The following ENPP7 variants were observed in gnomAD, a reference collection of about 807,000 sequenced individuals.
The protein encoded by ENPP7 is ectonucleotide pyrophosphatase/phosphodiesterase family member 7.
Under a neutral mutation model 33.6 loss-of-function variants are expected in ENPP7, and 39 were observed. That is an observed-to-expected ratio of 1.16 (90% confidence interval 0.90 to 1.52). ENPP7 has a LOEUF of 1.52. Ranked by LOEUF, ENPP7 falls within the 40% of genes most tolerant of loss-of-function variation. ENPP7 has a pLI of 0.00. For missense variants in ENPP7, 594 were observed against 641.0 expected (o/e 0.93, Z 0.79); for synonymous variants, 244 against 274.3 (o/e 0.89, Z 1.09).
chr17:79,735,610 A>G lies in ENPP7; in HGVS notation c.967A>G (p.Asn323Asp). The part of the protein sequence containing the change: ...EAFPEAFHYA[N>D]NPRVTPLLMY... ...GTTCCCCGAGGCCTTCCACTACGCC[A>G]ACAACCCCAGGGTCACACCCCTGCT... Residue 323 changes from asparagine to aspartate, a missense_variant, in exon 3 of 6, where the codon AAC becomes GAC. This residue lies in a region of ENPP7 where 504 missense variants were observed against 512.8 expected (regional missense o/e 0.98). Coordinates refer to ENST00000328313, the MANE Select transcript of ENPP7 (RefSeq NM_178543.5). The surrounding 1 kb of genome is among the most constrained non-coding windows in gnomAD (Gnocchi z 5.5). 1 of 1,613,780 alleles carries G rather than the reference A, an allele frequency of 6.2e-7. No homozygotes were observed. Among genetic ancestry groups the G allele is most frequent in the Non-Finnish European group, 8.5e-7 (1 of 1,180,006 alleles).
rs782762321 is a variant in ENPP7 at position 79,735,410 on chromosome 17, C to A, written c.767C>A (p.Ala256Asp). Residue 256 changes from alanine to aspartate, a missense_variant, in exon 3 of 6, where the codon GCT becomes GAT. Physicochemically the swap from Ala to Asp is moderately radical, Grantham distance 126. This residue lies in a region of ENPP7 where 504 missense variants were observed against 512.8 expected (regional missense o/e 0.98). Coordinates refer to ENST00000328313, the MANE Select transcript of ENPP7 (RefSeq NM_178543.5). This position sits in a 1 kb window ranked among gnomAD's most constrained non-coding sequence, Gnocchi z 5.5. ...GGCATGACGACCGTGGACAAACGGGCTGGCGACCTGGTTGAATTCCACAAG... is the reference window on the plus strand; with the variant it reads ...GGCATGACGACCGTGGACAAACGGGATGGCGACCTGGTTGAATTCCACAAG... ...DHGMTTVDKRAGDLVEFHKFP... is the reference protein window; with the variant it reads ...DHGMTTVDKRDGDLVEFHKFP... The A allele has an allele frequency of 6.2e-7, 1 of 1,614,086 alleles. No homozygotes were observed. The highest frequency in any genetic ancestry group is 8.5e-7 in the Non-Finnish European group (1 of 1,180,032).
In ENPP7 at chr17:79,739,504, C is replaced by T. The variant is rs1314790160; in HGVS notation, c.*16+1442C>T. 1.3e-5 allele frequency: 2 copies of T among 152,258 alleles called. No individual in the cohort carries two copies. Among genetic ancestry groups the T allele is most frequent in the African/African-American group, 4.8e-5 (2 of 41,444 alleles). 9.4% of individuals were successfully genotyped at this position (152,258 alleles called of 1,614,324 possible). On this transcript the variant is annotated intron_variant, in intron 5 of 5. Coordinates refer to ENST00000328313, the MANE Select transcript of ENPP7 (RefSeq NM_178543.5). This position sits in a 1 kb window ranked among gnomAD's most constrained non-coding sequence, Gnocchi z 4.4. The stretch of plus-strand genomic sequence containing the variant: ...TTCCAAATACCTTTAAGAGGCACGA[C>T]ATTCGAGGTTTGTGGACAGATTATG...
At position 79,735,813 on chromosome 17, in the gene ENPP7, C is replaced by A; in HGVS notation, c.1026+144C>A. ...GATCTCAGCTCACTGCAGCCTTAAACTCCCAGACTCAAGCGATCCTTCCAC... is the reference window on the plus strand; with the variant it reads ...GATCTCAGCTCACTGCAGCCTTAAAATCCCAGACTCAAGCGATCCTTCCAC... On this transcript the variant is annotated intron_variant, in intron 3 of 5. Coordinates refer to ENST00000328313, the MANE Select transcript of ENPP7 (RefSeq NM_178543.5). This position sits in a 1 kb window ranked among gnomAD's most constrained non-coding sequence, Gnocchi z 5.5. 1.3e-6 allele frequency: 1 copy of A among 760,340 alleles called. No homozygotes were observed. The highest frequency in any genetic ancestry group is 1.9e-5 in the South Asian group (1 of 53,082). The allele number at this position is 760,340 out of a possible 1,614,324, so 47.1% of individuals were successfully genotyped here.
Position 79,742,082 on chromosome 17 carries a change from C to A in ENPP7, c.*305C>A. On this transcript the variant is annotated 3_prime_UTR_variant, in exon 6 of 6. Transcript: ENST00000328313. ...CCTGCAAAACCCGCTCCCGAAGCGG[C>A]GCTGCCGTCTGCAGCCACGCGGGGG... 1 of 397,200 alleles carries A rather than the reference C, an allele frequency of 2.5e-6. No homozygotes were observed. The allele number at this position is 397,200 out of a possible 1,614,324, so 24.6% of individuals were successfully genotyped here. A position where few individuals can be genotyped will look rare whatever the true frequency, so the allele number is the denominator to read the frequency against.
chr17:79,732,147 T>TAC (rs1443387930), intron 1 of ENPP7, among the ~76,000 whole-genome samples: 2 of 66,014 alleles, frequency 3.0e-5, no homozygotes, highest in African/African-American at 8.9e-5. Context: ...TATATATATA[T>TAC]ATACACACAC....
In ENPP7 at chr17:79,732,121, C is replaced by CACACACAT. The variant is rs1485764726; in HGVS notation, c.253+730_253+731insCACACATA. ...TAATATATATATACATATATATATA[C>CACACACAT]ATATATATATGTATATATATATATA... is the stretch of plus-strand genomic sequence containing the variant. On this transcript the variant is annotated intron_variant, in intron 1 of 5. Coordinates refer to ENST00000328313, the MANE Select transcript of ENPP7 (RefSeq NM_178543.5). Among the ~76,000 whole-genome samples the CACACACAT allele has an allele frequency of 1.1e-3, 52 of 48,782 alleles. 1 individual carries two copies. Among genetic ancestry groups the CACACACAT allele is most frequent in the Non-Finnish European group, 1.4e-3 (37 of 25,520 alleles). 32.0% of individuals were successfully genotyped at this position (48,782 alleles called of 152,430 possible).
At position 79,739,830 on chromosome 17, in the gene ENPP7, T is replaced by C. The variant is rs1275641743; in HGVS notation, c.*16+1768T>C. On this transcript the variant is annotated intron_variant, in intron 5 of 5. Coordinates refer to ENST00000328313, the MANE Select transcript of ENPP7 (RefSeq NM_178543.5). The surrounding 1 kb of genome is among the most constrained non-coding windows in gnomAD (Gnocchi z 4.4). ...GAAGGAGTGGACTGAGAAGAGATGG[T>C]GACCACACCACTCACTGAGAAGGCG... 6.6e-6 allele frequency among the ~76,000 whole-genome samples: 1 copy of C among 152,144 alleles called. No homozygotes were observed. The highest frequency in any genetic ancestry group is 1.9e-4 in the East Asian group (1 of 5,182).
chr17:79,730,992 C>T lies in ENPP7; in HGVS notation c.-148C>T. The T allele has an allele frequency of 2.4e-6, 2 of 819,064 alleles. No homozygotes were observed. Among genetic ancestry groups the T allele is most frequent in the Non-Finnish European group, 3.7e-6 (2 of 538,552 alleles). 50.7% of individuals were successfully genotyped at this position (819,064 alleles called of 1,614,324 possible). ...GTGGCACTGACACGGCTGGGGAGCC[C>T]ACTCCCGAGGTTCGACCCGGGGATG... On this transcript the variant is annotated 5_prime_UTR_variant, in exon 1 of 6. Transcript: ENST00000328313.
At position 79,731,200 on chromosome 17, in the gene ENPP7, G is replaced by A. The variant is rs782198567; in HGVS notation, c.61G>A (p.Gly21Arg). The A allele has an allele frequency of 4.9e-5, 79 of 1,611,704 alleles. No individual in the cohort carries two copies. The highest frequency in any genetic ancestry group is 3.9e-4 in the Middle Eastern group (2 of 5,088). ...GGCCACGCTCCTGGCTCCCGGGGCC[G>A]GAGCACCGGTACAAAGTCAGGGCTC... ...ALATLLAPGA[G>R]APVQSQGSQN... is the part of the protein sequence containing the mutation. The change falls in exon 1 of 6, where the codon GGA becomes AGA. Residue 21 changes from glycine to arginine, a missense_variant. Physicochemically the swap from Gly to Arg is moderately radical, Grantham distance 125. Coordinates refer to ENST00000328313, the MANE Select transcript of ENPP7 (RefSeq NM_178543.5).
intron 5 of ENPP7, 33 bp from the exon 6 acceptor site, chr17:79,741,761 T>A: frequency 1.0e-6 from 1 of 983,860 alleles, no homozygotes; most frequent in Non-Finnish European, 1.2e-6. Flanking sequence ...CATCCTCTCC[T>A]CCCAGACCAA....
At chr17:79,732,151 C>CATATATATGTATATATATATATAT (rs2094287721) in intron 1 of ENPP7, among the ~76,000 whole-genome samples, 4 of 25,894 alleles carry the variant, frequency 1.5e-4, no homozygotes, top group Admixed American at 9.7e-4. Flanking sequence ...TATATATATA[C>CATATATATGTATATATATATATAT]ACACACATAT....
Position 79,735,674 on chromosome 17 carries a change from G to A in ENPP7, c.1026+5G>A, listed in dbSNP as rs370786110. ...CTTGGCTACGTCATCCATGGGGTGA[G>A]TCGCCTGCTGGAGGCACCACCTCCA... On this transcript the variant is annotated splice_donor_5th_base_variant and intron_variant, in intron 3 of 5. Transcript: ENST00000328313. This position sits in a 1 kb window ranked among gnomAD's most constrained non-coding sequence, Gnocchi z 5.5. The A allele has an allele frequency of 1.9e-6, 3 of 1,598,704 alleles. No homozygotes were observed. Among genetic ancestry groups the A allele is most frequent in the South Asian group, 1.1e-5 (1 of 90,236 alleles).
At chr17:79,741,432 G>C (rs1555824538) in intron 5 of ENPP7, among the ~76,000 whole-genome samples, 2 of 152,200 alleles carry the variant, frequency 1.3e-5, no homozygotes, top group African/African-American at 4.8e-5. Flanking sequence ...AAGACTAGGG[G>C]AAGCTCTTCT....
In ENPP7 at chr17:79,735,895, TTG is replaced by T. The variant is rs2094294814; in HGVS notation, c.1026+234_1026+235del. Among the ~76,000 whole-genome samples, 1 of 151,940 alleles carries T rather than the reference TTG, an allele frequency of 6.6e-6. No individual in the cohort carries two copies. Among genetic ancestry groups the T allele is most frequent in the African/African-American group, 2.4e-5 (1 of 41,402 alleles). On this transcript the variant is annotated intron_variant, in intron 3 of 5. Coordinates refer to ENST00000328313, the MANE Select transcript of ENPP7 (RefSeq NM_178543.5). This position sits in a 1 kb window ranked among gnomAD's most constrained non-coding sequence, Gnocchi z 5.5. ...GCACACCACCATGCCTGGCTAATTTTTGTGTGTGTTTTGTTTTGTTTTGTTTC... is the reference window on the plus strand; with the variant it reads ...GCACACCACCATGCCTGGCTAATTTTTGTGTGTTTTGTTTTGTTTTGTTTC...
In ENPP7 at chr17:79,735,450, C is replaced by A; in HGVS notation, c.807C>A (p.Thr269=). 6.2e-7 allele frequency: 1 copy of A among 1,614,162 alleles called. No individual in the cohort carries two copies. Among genetic ancestry groups the A allele is most frequent in the Non-Finnish European group, 8.5e-7 (1 of 1,180,042 alleles). The change falls in exon 3 of 6, where the codon ACC becomes ACA. Residue 269 remains threonine, a synonymous_variant. Coordinates refer to ENST00000328313, the MANE Select transcript of ENPP7 (RefSeq NM_178543.5). This position sits in a 1 kb window ranked among gnomAD's most constrained non-coding sequence, Gnocchi z 5.5. ...AATTCCACAAGTTCCCCAACTTCAC[C>A]TTCCGGGACATCGAGTTTGAGCTCC... The part of the protein sequence containing the change: ...LVEFHKFPNF[T]FRDIEFELLD...
Position 79,741,974 on chromosome 17 carries a change from T to C in ENPP7, c.*197T>C. 1 of 985,424 alleles carries C rather than the reference T, an allele frequency of 1.0e-6. No homozygotes were observed. Among genetic ancestry groups the C allele is most frequent in the Non-Finnish European group, 1.2e-6 (1 of 829,910 alleles). 61.0% of individuals were successfully genotyped at this position (985,424 alleles called of 1,614,324 possible). The stretch of plus-strand genomic sequence containing the variant: ...CTGGTAATAAGCCTCGCAGCCCAGG[T>C]CCAGAGCCCCCGGCGAGCCGGTCCC... On this transcript the variant is annotated 3_prime_UTR_variant, in exon 6 of 6. Coordinates refer to ENST00000328313, the MANE Select transcript of ENPP7 (RefSeq NM_178543.5).
intron 1 of ENPP7, among the ~76,000 whole-genome samples, chr17:79,732,151 C>CAT (rs2094287721): frequency 1.5e-4 from 4 of 25,894 alleles, no homozygotes; most frequent in Admixed American, 1.5e-3. Context: ...TATATATATA[C>CAT]ACACACATAT....
At position 79,737,329 on chromosome 17, in the gene ENPP7, A is replaced by C; in HGVS notation, c.1246+69A>C. 7.4e-7 allele frequency: 1 copy of C among 1,356,076 alleles called. No individual in the cohort carries two copies. Among genetic ancestry groups the C allele is most frequent in the South Asian group, 1.3e-5 (1 of 79,580 alleles). The allele number at this position is 1,356,076 out of a possible 1,614,324, so 84.0% of individuals were successfully genotyped here. A position where few individuals can be genotyped will look rare whatever the true frequency, so the allele number is the denominator to read the frequency against. On this transcript the variant is annotated intron_variant, in intron 4 of 5. Transcript: ENST00000328313. This position sits in a 1 kb window ranked among gnomAD's most constrained non-coding sequence, Gnocchi z 5.5. ...CACGTGTGCACACGAGGGTGCCTGC[A>C]TGCCTGTGACCAGGACACCCTTGAG... is the stretch of plus-strand genomic sequence containing the variant.
chr17:79,735,507 T>A lies in ENPP7; in HGVS notation c.864T>A (p.Pro288=), dbSNP rs2094293910. ...ACGGACCAAACGGGATGCTGCTCCC[T>A]AAAGAAGGGAGGCTGGAGAAGGTGT... is the stretch of plus-strand genomic sequence containing the variant. ...LDYGPNGMLL[P]KEGRLEKVYD... is the part of the protein sequence containing the mutation. The change falls in exon 3 of 6, where the codon CCT becomes CCA. Residue 288 remains proline (P), a synonymous_variant. Coordinates refer to ENST00000328313, the MANE Select transcript of ENPP7 (RefSeq NM_178543.5). This position sits in a 1 kb window ranked among gnomAD's most constrained non-coding sequence, Gnocchi z 5.5. The A allele has an allele frequency of 1.2e-6, 2 of 1,613,892 alleles. No individual in the cohort carries two copies. The highest frequency in any genetic ancestry group is 1.7e-6 in the Non-Finnish European group (2 of 1,180,030).
Sources: gnomAD v4.1 joint callset for allele counts (sites outside exome capture counted in the v4.1 genomes callset) on GRCh38, gnomAD v4.1.1 for gene constraint, gnomAD v4.1.1 regional missense constraint, Gnocchi (gnomAD v3.1) non-coding constraint, MANE v1.5 for transcripts, NCBI Gene and HGNC (gene_info 2026-07-23, HGNC 2026-07-21) for gene names.